The following DDX42 variants were observed in gnomAD, a reference collection of about 807,000 sequenced individuals.
DDX42 encodes DEAD-box helicase 42, also known as ATP-dependent RNA helicase DDX42.
Under a neutral mutation model 101.5 loss-of-function variants are expected in DDX42, and 22 were observed. The ratio of observed to expected loss-of-function variants is 0.22; its 90% CI spans 0.15 to 0.31. DDX42 has a LOEUF of 0.31. DDX42 is among the 10% of genes least tolerant of loss of function. The pLI is 1.00. For synonymous variants in DDX42, 402 were observed against 401.2 expected (o/e 1.00, Z -0.02); for missense variants, 849 against 1,199.9 (o/e 0.71, Z 4.32).
At chr17:63,777,440 C>G (rs1332273179) in intron 1 of DDX42, among the ~76,000 whole-genome samples, 1 of 150,592 alleles carries the variant, frequency 6.6e-6, no homozygotes, top group Admixed American at 6.6e-5. Context: ...GATGCCATTT[C>G]TTTTTCTTTC....
At chr17:63,791,563 G>A (rs1201577272) in intron 2 of DDX42, among the ~76,000 whole-genome samples, 1 of 151,980 alleles carries the variant, frequency 6.6e-6, no homozygotes, top group Non-Finnish European at 1.5e-5. Context: ...CACCTGTCTC[G>A]GCCTCCCAAA....
intron 1 of DDX42, chr17:63,774,859 C>G (rs190875013): frequency 3.7e-4 from 57 of 152,316 alleles, no homozygotes; most frequent in African/African-American, 1.3e-3. Flanking sequence ...TCACTGTAGT[C>G]ACACAAACTT....
chr17:63,815,575 C>T lies in DDX42; in HGVS notation c.1915C>T (p.Arg639Trp). 3 of 1,613,398 alleles carry T rather than the reference C, an allele frequency of 1.9e-6. No homozygotes were observed. The highest frequency in any genetic ancestry group is 2.2e-5 in the South Asian group (2 of 90,972). Reference protein sequence around the residue: ...LDLAMQNAWFRKSRFKGGKGK... With the variant: ...LDLAMQNAWFWKSRFKGGKGK... ...TTGTTCAATGCAGAATGCCTGGTTT[C>T]GGAAATCTCGATTCAAAGGAGGGAA... Residue 639 changes from arginine (R) to tryptophan (W), a missense_variant, in exon 16 of 18, where the codon CGG becomes TGG. Physicochemically the swap from Arg to Trp is moderately radical, Grantham distance 101 (BLOSUM62 -3). Coordinates refer to ENST00000389924, the MANE Select transcript of DDX42 (RefSeq NM_203499.3).
intron 6 of DDX42, among the ~76,000 whole-genome samples, chr17:63,801,004 C>T (rs1481246872): frequency 3.0e-5 from 3 of 100,656 alleles, no homozygotes; most frequent in South Asian, 3.1e-4. Flanking sequence ...TCCTTTTTTT[C>T]CTCTCTTTCT....
intron 2 of DDX42, among the ~76,000 whole-genome samples, chr17:63,790,665 C>T (rs569662964): frequency 6.6e-6 from 1 of 152,206 alleles, no homozygotes; most frequent in African/African-American, 2.4e-5. Context: ...GAGGCTGAGG[C>T]AGGAGAATCA....
chr17:63,779,240 C>T (rs971660921), intron 1 of DDX42, among the ~76,000 whole-genome samples: 7 of 152,126 alleles, frequency 4.6e-5, no homozygotes, highest in African/African-American at 1.7e-4. Flanking sequence ...AGTTGAATTT[C>T]CCCAAGTGTG....
intron 2 of DDX42, among the ~76,000 whole-genome samples, chr17:63,789,799 G>A (rs2039603859): frequency 6.7e-6 from 1 of 149,408 alleles, no homozygotes; most frequent in Non-Finnish European, 1.5e-5. Flanking sequence ...TTTCAAACTC[G>A]TAACCTCAGG....
chr17:63,806,420 T>C (rs950955531), intron 7 of DDX42, 115 bp from the exon 8 acceptor site: 19 of 1,212,758 alleles, frequency 1.6e-5, no homozygotes, highest in Non-Finnish European at 2.0e-5. Context: ...CTTACAGACT[T>C]GTATTTTTAC....
chr17:63,812,395 A>G (rs1028886868), intron 14 of DDX42, among the ~76,000 whole-genome samples, 187 bp downstream of exon 14: 2 of 152,106 alleles, frequency 1.3e-5, no homozygotes, highest in African/African-American at 2.4e-5. Context: ...TCTAGATACC[A>G]CTTTTCACTT....
chr17:63,774,339 C>T lies in DDX42; in HGVS notation c.-54C>T, dbSNP rs932122916. 5 of 252,420 alleles carry T rather than the reference C, an allele frequency of 2.0e-5. 1 individual carries two copies. Among genetic ancestry groups the T allele is most frequent in the African/African-American group, 9.5e-5 (4 of 42,198 alleles). 15.6% of individuals were successfully genotyped at this position (252,420 alleles called of 1,614,324 possible). On this transcript the variant is annotated 5_prime_UTR_variant, in exon 1 of 18. Coordinates refer to ENST00000389924, the MANE Select transcript of DDX42 (RefSeq NM_203499.3). ...TGGGCTCCGGGATTCGCTCCGCGCC[C>T]GCGGTTGTAGCAGCTGCCGCTGCAG...
Position 63,817,905 on chromosome 17 carries a change from C to A in DDX42, c.2324C>A (p.Ala775Asp). Residue 775 changes from alanine (A) to aspartate (D), a missense_variant, in exon 18 of 18, where the codon GCC (alanine) becomes GAC (aspartate). Coordinates refer to ENST00000389924, the MANE Select transcript of DDX42 (RefSeq NM_203499.3). ...GGCAATACTGGCAACATCAGTGGTG[C>A]CCCTGTGACCTACCCGTCTGCCGGA... ...GFGNTGNISGAPVTYPSAGAQ... is the reference protein window; with the variant it reads ...GFGNTGNISGDPVTYPSAGAQ... 6.2e-7 allele frequency: 1 copy of A among 1,614,196 alleles called. No individual in the cohort carries two copies. Among genetic ancestry groups the A allele is most frequent in the South Asian group, 1.1e-5 (1 of 91,082 alleles).
chr17:63,798,650 A>G (rs2597636), intron 4 of DDX42, among the ~76,000 whole-genome samples: 106,204 of 151,774 alleles, frequency 0.7, 38,586 homozygotes, highest in African/African-American at 0.92. Flanking sequence ...ATTTAGCTCC[A>G]GAGTGACATT....
chr17:63,799,280 T>G (rs2039732292), intron 4 of DDX42, among the ~76,000 whole-genome samples: 1 of 152,212 alleles, frequency 6.6e-6, no homozygotes, highest in Non-Finnish European at 1.5e-5. Context: ...GTTGTATGGA[T>G]TCACAAAACT....
intron 3 of DDX42, among the ~76,000 whole-genome samples, chr17:63,794,774 A>C (rs1445962395): frequency 6.6e-6 from 1 of 150,798 alleles, no homozygotes; most frequent in Non-Finnish European, 1.5e-5. Context: ...CTCTACTAAA[A>C]ATACAAAAAA....
chr17:63,781,122 C>A (rs2039482734), intron 1 of DDX42, among the ~76,000 whole-genome samples: 1 of 152,220 alleles, frequency 6.6e-6, no homozygotes, highest in Admixed American at 6.5e-5. Context: ...CTACTACTTA[C>A]TTGCCAGGTA....
intron 13 of DDX42, chr17:63,811,719 G>A (rs573060708): frequency 2.3e-5 from 15 of 646,342 alleles, no homozygotes; most frequent in Middle Eastern, 2.9e-4. Flanking sequence ...CAAAGTAGTG[G>A]GGCATACAAA....
At chr17:63,782,123 C>A (rs2039495665) in intron 1 of DDX42, among the ~76,000 whole-genome samples, 1 of 151,752 alleles carries the variant, frequency 6.6e-6, no homozygotes, top group South Asian at 2.1e-4. Context: ...ACTAAAAATA[C>A]AAAAATTAGC....
chr17:63,778,841 A>G (rs907889816), intron 1 of DDX42, among the ~76,000 whole-genome samples: 2 of 152,108 alleles, frequency 1.3e-5, no homozygotes, highest in African/African-American at 2.4e-5. Context: ...GGGTTTCACC[A>G]TGTTGGCCAG....
rs1235916161 is a variant in DDX42 at position 63,813,530 on chromosome 17, A to G, written c.1902+76A>G. Reference sequence around the variant, plus strand: ...TTTTAGCAGTCCTGGAACAGATAACATAAAAACTTGACAAGAAAGTTGGGT... The same window carrying G: ...TTTTAGCAGTCCTGGAACAGATAACGTAAAAACTTGACAAGAAAGTTGGGT... On this transcript the variant is annotated intron_variant, in intron 15 of 17. Coordinates refer to ENST00000389924, the MANE Select transcript of DDX42 (RefSeq NM_203499.3). 1.0e-5 allele frequency: 14 copies of G among 1,380,006 alleles called. No homozygotes were observed. In the Admixed American group the frequency reaches 2.5e-4, roughly 25 times the overall value. 85.5% of individuals were successfully genotyped at this position (1,380,006 alleles called of 1,614,324 possible). A position where few individuals can be genotyped will look rare whatever the true frequency, so the allele number is the denominator to read the frequency against.
Sources: gnomAD v4.1 joint callset for allele counts (sites outside exome capture counted in the v4.1 genomes callset) on GRCh38, gnomAD v4.1.1 for gene constraint, MANE v1.5 for transcripts, NCBI Gene and HGNC (gene_info 2026-07-23, HGNC 2026-07-21) for gene names.